The following CPS1 variants were observed in gnomAD, a reference collection of about 807,000 sequenced individuals.
CPS1 encodes the protein carbamoyl-phosphate synthase [ammonia], mitochondrial.
In CPS1, 109 loss-of-function variants were observed where a neutral mutation model predicts 174.6. The ratio of observed to expected loss-of-function variants is 0.62; its 90% CI spans 0.53 to 0.73. CPS1 has a LOEUF of 0.73. Among genes scored for constraint, CPS1 ranks in the 30% least tolerant of loss-of-function variants. The pLI is 0.00. For missense variants in CPS1, 1,689 were observed against 1,821.9 expected (o/e 0.93, Z 1.33); for synonymous variants, 637 against 632.0 (o/e 1.01, Z -0.12).
chr2:210,500,395 G>A (rs895268620), intron 1 of CPS1, among the ~76,000 whole-genome samples: 4 of 152,112 alleles, frequency 2.6e-5, no homozygotes, highest in African/African-American at 9.7e-5. Context: ...TTTCATCTGA[G>A]ATAAGGCAAG....
At chr2:210,649,297 T>C (rs1044029346) in intron 27 of CPS1, among the ~76,000 whole-genome samples, 2 of 152,244 alleles carry the variant, frequency 1.3e-5, no homozygotes, top group African/African-American at 4.8e-5. Flanking sequence ...GAGGAGTTAA[T>C]GTAAACTAAT....
At chr2:210,582,536 G>C in intron 5 of CPS1, 81 bp from the exon 6 acceptor site, 1 of 1,019,130 alleles carries the variant, frequency 9.8e-7, no homozygotes, top group Non-Finnish European at 1.6e-6. Flanking sequence ...TGCAGCAGCT[G>C]TTTAAAGTCC....
chr2:210,594,364 C>CA, intron 11 of CPS1, 144 bp from the exon 12 acceptor site: 1 of 643,304 alleles, frequency 1.6e-6, no homozygotes, highest in East Asian at 2.8e-5. Flanking sequence ...TAGTTATTGA[C>CA]AAAAAAGCAA....
chr2:210,605,087 G>A lies in CPS1; in HGVS notation c.1837-15G>A. ...TTTTTCTTACTCTTTGATATCTTTT[G>A]TCACCAATTTCTAGGCCTTTGCTAT... On this transcript the variant is annotated splice_polypyrimidine_tract_variant and intron_variant, in intron 16 of 37. Coordinates refer to ENST00000233072, the MANE Select transcript of CPS1 (RefSeq NM_001875.5). 1 of 1,611,278 alleles carries A rather than the reference G, an allele frequency of 6.2e-7. No individual in the cohort carries two copies. Among genetic ancestry groups the A allele is most frequent in the Non-Finnish European group, 8.5e-7 (1 of 1,178,244 alleles).
chr2:210,517,544 G>A (rs1441405387), intron 1 of CPS1, among the ~76,000 whole-genome samples: 1 of 151,960 alleles, frequency 6.6e-6, no homozygotes, highest in Non-Finnish European at 1.5e-5. Flanking sequence ...AATCAATGTG[G>A]CTTTGTTCAG....
chr2:210,519,039 T>C (rs1486501808), intron 1 of CPS1, among the ~76,000 whole-genome samples: 2 of 152,054 alleles, frequency 1.3e-5, no homozygotes, highest in Non-Finnish European at 2.9e-5. Context: ...TCTTCTGAAA[T>C]GGTCTTACAA....
At chr2:210,587,705 C>A (rs1021351805) in intron 6 of CPS1, among the ~76,000 whole-genome samples, 1 of 152,164 alleles carries the variant, frequency 6.6e-6, no homozygotes, top group African/African-American at 2.4e-5. Context: ...CTGTCTAGTG[C>A]TGAATCAGGC....
At chr2:210,508,364 G>T (rs1695348618) in intron 1 of CPS1, among the ~76,000 whole-genome samples, 1 of 151,598 alleles carries the variant, frequency 6.6e-6, no homozygotes. Flanking sequence ...GAATCTCTGG[G>T]ACACATTCAA....
Position 210,595,522 on chromosome 2 carries a change from G to A in CPS1, c.1299G>A (p.Leu433=). The A allele has an allele frequency of 6.2e-7, 1 of 1,611,572 alleles. No individual in the cohort carries two copies. The highest frequency in any genetic ancestry group is 8.5e-7 in the Non-Finnish European group (1 of 1,178,382). Residue 433 remains leucine (L), a synonymous_variant, in exon 13 of 38, where the codon CTG becomes CTA. Coordinates refer to ENST00000233072, the MANE Select transcript of CPS1 (RefSeq NM_001875.5). ...SKVLILGSGG[L]SIGQAGEFDY... is the part of the protein sequence containing the mutation. ...TCCTTATTCTAGGATCAGGAGGTCT[G>A]TCCATTGGTCAGGCTGGAGAATTTG...
In CPS1 at chr2:210,491,307, G is replaced by GTTTTTTTTTTTTTTTTTT. The variant is rs66825517; in HGVS notation, c.3+13555_3+13572dup. On this transcript the variant is annotated intron_variant, in intron 1 of 38. Transcript: ENST00000430249. ...GTAAAAGCATGTATTTGGTATCTGT[G>GTTTTTTTTTTTTTTTTTT]TTTTTTTTTTTTTTTTTTTTTTTTT... Among the ~76,000 whole-genome samples, 10 of 50,354 alleles carry GTTTTTTTTTTTTTTTTTT rather than the reference G, an allele frequency of 2.0e-4. 2 individuals carry two copies. Among genetic ancestry groups the GTTTTTTTTTTTTTTTTTT allele is most frequent in the African/African-American group, 1.0e-3 (10 of 9,984 alleles). 33.0% of individuals were successfully genotyped at this position (50,354 alleles called of 152,430 possible). A position where few individuals can be genotyped will look rare whatever the true frequency, so the allele number is the denominator to read the frequency against.
At chr2:210,665,335 A>G (rs1303347363) in intron 33 of CPS1, among the ~76,000 whole-genome samples, 1 of 149,148 alleles carries the variant, frequency 6.7e-6, no homozygotes, top group African/African-American at 2.5e-5. Flanking sequence ...CTTTTTTATT[A>G]TTATTATACT....
intron 1 of CPS1, among the ~76,000 whole-genome samples, chr2:210,530,739 C>A (rs1696095647): frequency 1.3e-5 from 2 of 152,040 alleles, no homozygotes; most frequent in Non-Finnish European, 2.9e-5. Flanking sequence ...TGTGCCCCAA[C>A]TTCCATTCAC....
Position 210,642,508 on chromosome 2 carries a change from G to T in CPS1, c.2984G>T (p.Cys995Phe). The T allele has an allele frequency of 6.2e-7, 1 of 1,613,886 alleles. No individual in the cohort carries two copies. Among genetic ancestry groups the T allele is most frequent in the Non-Finnish European group, 8.5e-7 (1 of 1,179,834 alleles). ...GGCAGCAGTGTGGAATTTGATTGGT[G>T]TGCTGTCTCTAGTATCCGCACACTG... is the stretch of plus-strand genomic sequence containing the variant. ...HIGSSVEFDW[C>F]AVSSIRTLRQ... The change falls in exon 25 of 38, where the codon TGT (cysteine) becomes TTT (phenylalanine). Residue 995 changes from cysteine (C) to phenylalanine (F), a missense_variant. Coordinates refer to ENST00000233072, the MANE Select transcript of CPS1 (RefSeq NM_001875.5).
chr2:210,631,698 A>C (rs1289358345), intron 21 of CPS1, among the ~76,000 whole-genome samples: 1 of 152,222 alleles, frequency 6.6e-6, no homozygotes, highest in Admixed American at 6.5e-5. Context: ...TTATGCAATG[A>C]TGAAAGTCTA....
intron 21 of CPS1, among the ~76,000 whole-genome samples, chr2:210,632,394 A>T (rs1001107616): frequency 6.6e-6 from 1 of 152,228 alleles, no homozygotes; most frequent in Non-Finnish European, 1.5e-5. Context: ...CCCCACAACT[A>T]ATGAATTGTG....
chr2:210,553,722 G>C (rs1371461320), upstream of CPS1, among the ~76,000 whole-genome samples: 3 of 151,912 alleles, frequency 2.0e-5, no homozygotes, highest in Admixed American at 6.6e-5. Context: ...AAAATAATCT[G>C]TCCTAAAAGT....
chr2:210,600,581 C>T lies in CPS1; in HGVS notation c.1576C>T (p.Leu526Phe), dbSNP rs775632596. 6.2e-7 allele frequency: 1 copy of T among 1,612,098 alleles called. No individual in the cohort carries two copies. The highest frequency in any genetic ancestry group is 1.3e-5 in the African/African-American group (1 of 74,848). Residue 526 changes from leucine (L) to phenylalanine (F), a missense_variant, in exon 15 of 38, where the codon CTC becomes TTC. Leu to Phe is a conservative substitution (Grantham distance 22). Transcript: ENST00000233072. ...CGVELFKRGV[L>F]KEYGVKVLGT... Reference sequence around the variant, plus strand: ...AGTGGAACTATTCAAGAGAGGTGTGCTCAAGGAATATGGTGTGAAAGTCCT... The same window carrying T: ...AGTGGAACTATTCAAGAGAGGTGTGTTCAAGGAATATGGTGTGAAAGTCCT...
At chr2:210,576,540 T>A (rs766544577) in intron 3 of CPS1, 50 bp downstream of exon 3, 44 of 1,607,818 alleles carry the variant, frequency 2.7e-5, no homozygotes, top group Non-Finnish European at 3.7e-5. Flanking sequence ...GGGAGTATAG[T>A]TGACTTATTC....
chr2:210,510,519 C>T (rs1695434280), intron 1 of CPS1, among the ~76,000 whole-genome samples: 2 of 152,100 alleles, frequency 1.3e-5, no homozygotes, highest in Admixed American at 6.5e-5. Flanking sequence ...GCAACAAAAG[C>T]CAAAACTGAC....
Sources: allele counts gnomAD v4.1 joint callset (sites outside exome capture counted in the v4.1 genomes callset), GRCh38; gene constraint gnomAD v4.1.1; transcripts MANE v1.5; gene names NCBI Gene and HGNC (gene_info 2026-07-23, HGNC 2026-07-21).